Variants in ARHGEF10 observed in about 807,000 individuals in gnomAD.
ARHGEF10 encodes Rho guanine nucleotide exchange factor (GEF) 10.
Under a neutral mutation model 147.4 loss-of-function variants are expected in ARHGEF10, and 140 were observed. The observed-to-expected ratio is 0.95, with a 90% CI of 0.83 to 1.09. The LOEUF (loss-of-function observed/expected upper bound fraction) is 1.09, where lower values mean the gene tolerates loss of function less well. Ranked by LOEUF, ARHGEF10 falls within the 50% of genes least tolerant of loss-of-function variation. ARHGEF10 has a pLI of 0.00. For missense variants in ARHGEF10, 2,222 were observed against 1,752.7 expected, an observed-to-expected ratio of 1.27 and a Z score of -4.78; for synonymous variants, 902 against 695.8, an observed-to-expected ratio of 1.30 and a Z score of -4.67.
chr8:1,872,916 C>T (rs780821190), intron 7 of ARHGEF10, among the ~76,000 whole-genome samples: 2 of 152,156 alleles, frequency 1.3e-5, no homozygotes, highest in Non-Finnish European at 2.9e-5. Context: ...AAATGTGCCA[C>T]AAAGAAAGTG....
intron 8 of ARHGEF10, among the ~76,000 whole-genome samples, chr8:1,879,500 G>A (rs531404958): frequency 3.0e-4 from 45 of 152,090 alleles, no homozygotes; most frequent in South Asian, 2.5e-3. Flanking sequence ...CTAGCCTGGT[G>A]TCTGGATAGT....
Position 1,866,616 on chromosome 8 carries a change from C to T in ARHGEF10, c.622+14C>T. ...CCTGGATGGAGAGTAAGTTCCCCAG[C>T]TGCCCACAGCCAGAATCCTCACCAC... is the stretch of plus-strand genomic sequence containing the variant. On this transcript the variant is annotated intron_variant, in intron 6 of 28. Coordinates refer to ENST00000349830, the MANE Select transcript of ARHGEF10 (RefSeq NM_014629.4). 1 of 1,602,434 alleles carries T rather than the reference C, an allele frequency of 6.2e-7. No homozygotes were observed. Among genetic ancestry groups the T allele is most frequent in the Non-Finnish European group, 8.5e-7 (1 of 1,179,732 alleles).
Position 1,885,725 on chromosome 8 carries a change from G to A in ARHGEF10, c.1182+18G>A. 2 of 1,564,144 alleles carry A rather than the reference G, an allele frequency of 1.3e-6. No homozygotes were observed. The highest frequency in any genetic ancestry group is 1.8e-6 in the Non-Finnish European group (2 of 1,134,566). On this transcript the variant is annotated intron_variant, in intron 11 of 28. Transcript: ENST00000349830. ...AGCAGCAGGTGAGATGAGCAGAGCTGACAGGGGCTGTTGACCAGCAGAGCT... is the reference window on the plus strand; with the variant it reads ...AGCAGCAGGTGAGATGAGCAGAGCTAACAGGGGCTGTTGACCAGCAGAGCT...
rs138558810 is a variant in ARHGEF10, at chr8:1,924,667, C to G, written c.2489-616C>G. Among the ~76,000 whole-genome samples, 50 of 152,338 alleles carry G rather than the reference C, an allele frequency of 3.3e-4. 1 individual carries two copies. The highest frequency in any genetic ancestry group is 3.4e-3 in the Middle Eastern group (1 of 294). Reference sequence around the variant, plus strand: ...ATGAGGAAGCAGAAACACAGCCCCTCTCTCTCTTGCTGAATAATTTGGTCA... The same window carrying G: ...ATGAGGAAGCAGAAACACAGCCCCTGTCTCTCTTGCTGAATAATTTGGTCA... On this transcript the variant is annotated intron_variant, in intron 21 of 28. Coordinates refer to ENST00000349830, the MANE Select transcript of ARHGEF10 (RefSeq NM_014629.4).
At chr8:1,880,207 G>A (rs1195532442) in intron 9 of ARHGEF10, 43 bp downstream of exon 9, 2 of 1,466,132 alleles carry the variant, frequency 1.4e-6, no homozygotes, top group South Asian at 2.3e-5. Flanking sequence ...TGCCAGCCGG[G>A]CAGTAAAGAA....
chr8:1,866,888 G>C (rs1444472281), intron 6 of ARHGEF10, among the ~76,000 whole-genome samples: 1 of 152,048 alleles, frequency 6.6e-6, no homozygotes, highest in Admixed American at 6.6e-5. Context: ...TGAGATATGT[G>C]GGTAACAGAA....
chr8:1,930,725 G>C (rs1327557340), intron 25 of ARHGEF10, among the ~76,000 whole-genome samples: 1 of 152,232 alleles, frequency 6.6e-6, no homozygotes, highest in African/African-American at 2.4e-5. Flanking sequence ...CCTTGGGGAG[G>C]CTCTCTCGAC....
Position 1,929,337 on chromosome 8 carries a change from C to G in ARHGEF10, c.2973C>G (p.His991Gln). 6.2e-7 allele frequency: 1 copy of G among 1,614,056 alleles called. No individual in the cohort carries two copies. Among genetic ancestry groups the G allele is most frequent in the Non-Finnish European group, 8.5e-7 (1 of 1,180,032 alleles). Residue 991 changes from histidine (H) to glutamine (Q), a missense_variant, in exon 25 of 29, where the codon CAC becomes CAG. His to Gln is a conservative substitution (Grantham distance 24, BLOSUM62 0). Transcript: ENST00000349830. ...SQGSKKVRLQ[H>Q]FFTPEKSTVM... ...GCTCCAAGAAAGTGAGACTTCAGCA[C>G]TTTTTCACTCCTGAGAAGTCCACAG...
chr8:1,958,338 A>G lies in ARHGEF10; in HGVS notation c.*1075A>G, dbSNP rs1172429561. On this transcript the variant is annotated 3_prime_UTR_variant, in exon 29 of 29. Coordinates refer to ENST00000349830, the MANE Select transcript of ARHGEF10 (RefSeq NM_014629.4). The stretch of plus-strand genomic sequence containing the variant: ...AGTTGCAGAGCCAGCCCCGCGTGAG[A>G]ACGTGCATAATGAGTGCACACCATC... The G allele has an allele frequency of 6.6e-6, 1 of 152,222 alleles. No homozygotes were observed. Among genetic ancestry groups the G allele is most frequent in the Non-Finnish European group, 1.5e-5 (1 of 68,052 alleles). The allele number at this position is 152,222 out of a possible 1,614,324, so 9.4% of individuals were successfully genotyped here. A position where few individuals can be genotyped will look rare whatever the true frequency, so the allele number is the denominator to read the frequency against.
chr8:1,895,657 T>G (rs1809910032), intron 13 of ARHGEF10, among the ~76,000 whole-genome samples: 1 of 152,196 alleles, frequency 6.6e-6, no homozygotes, highest in African/African-American at 2.4e-5. Flanking sequence ...TGCAAACAGA[T>G]TTTTTAAAGA....
In ARHGEF10 at chr8:1,880,165, G is replaced by T; in HGVS notation, c.960+1G>T. On this transcript the variant is annotated splice_donor_variant, in intron 9 of 28. Transcript: ENST00000349830. LOFTEE classifies it high-confidence loss of function. ...GCTCAGGCAGAAGCATGAACTGAAGGTAGAGTCTTGCCCCCGGCCGCTGCC... is the reference window on the plus strand; with the variant it reads ...GCTCAGGCAGAAGCATGAACTGAAGTTAGAGTCTTGCCCCCGGCCGCTGCC... The T allele has an allele frequency of 1.2e-6, 2 of 1,608,804 alleles. No individual in the cohort carries two copies. Among genetic ancestry groups the T allele is most frequent in the Non-Finnish European group, 1.7e-6 (2 of 1,175,368 alleles).
At position 1,948,480 on chromosome 8, in the gene ARHGEF10, A is replaced by C. The variant is rs556901249; in HGVS notation, c.3397+2825A>C. Among the ~76,000 whole-genome samples, 1 of 152,262 alleles carries C rather than the reference A, an allele frequency of 6.6e-6. No individual in the cohort carries two copies. The highest frequency in any genetic ancestry group is 1.5e-5 in the Non-Finnish European group (1 of 68,002). On this transcript the variant is annotated intron_variant, in intron 27 of 28. Coordinates refer to ENST00000349830, the MANE Select transcript of ARHGEF10 (RefSeq NM_014629.4). The surrounding 1 kb of genome is among the most constrained non-coding windows in gnomAD (Gnocchi z 4.9). ...TACACTGACTGCTTTACCCACATTC[A>C]GTTCTCTGCTCCCAGGCTGTGGTCT...
In ARHGEF10 at chr8:1,832,659, CAG is replaced by C. The variant is rs1466770210; in HGVS notation, c.-48+8549_-48+8550del. On this transcript the variant is annotated intron_variant, in intron 1 of 28. Transcript: ENST00000349830. ...AGGCAGAGGCAGAGACAGAGAGAGA[CAG>C]AGGCAGAGACAGAGGCAGAGACAGA... Among the ~76,000 whole-genome samples, 4 of 35,220 alleles carry C rather than the reference CAG, an allele frequency of 1.1e-4. 1 individual carries two copies. Among genetic ancestry groups the C allele is most frequent in the African/African-American group, 4.3e-4 (3 of 7,054 alleles). 23.1% of individuals were successfully genotyped at this position (35,220 alleles called of 152,430 possible).
At chr8:1,920,488 AATT>A (rs1376478708) in intron 18 of ARHGEF10, among the ~76,000 whole-genome samples, 1 of 100,236 alleles carries the variant, frequency 1.0e-5, no homozygotes, top group Non-Finnish European at 2.1e-5. Context: ...ATGCCTGGCT[AATT>A]TTTTTTTTAA....
intron 22 of ARHGEF10, among the ~76,000 whole-genome samples, chr8:1,925,792 G>A (rs1812646062): frequency 6.6e-6 from 1 of 152,196 alleles, no homozygotes; most frequent in Non-Finnish European, 1.5e-5. Context: ...TACCGTGCCC[G>A]CTCTTTGCCT....
intron 5 of ARHGEF10, among the ~76,000 whole-genome samples, 188 bp downstream of exon 5, chr8:1,864,624 T>C (rs1177740434): frequency 6.6e-6 from 1 of 152,080 alleles, no homozygotes; most frequent in Admixed American, 6.5e-5. Context: ...TCAGGACGAG[T>C]GGACTGAGGG....
intron 15 of ARHGEF10, among the ~76,000 whole-genome samples, chr8:1,901,956 G>A (rs1348462917): frequency 1.3e-5 from 2 of 150,296 alleles, no homozygotes; most frequent in Non-Finnish European, 3.0e-5. Context: ...CTATAAACAT[G>A]TCAAAGATGG....
At chr8:1,845,970 A>G (rs1168236466) in intron 2 of ARHGEF10, among the ~76,000 whole-genome samples, 1 of 152,192 alleles carries the variant, frequency 6.6e-6, no homozygotes, top group East Asian at 1.9e-4. Context: ...AGGGGAGAGT[A>G]TGACAGGTCC....
At chr8:1,901,186 A>G (rs1037056227) in intron 15 of ARHGEF10, among the ~76,000 whole-genome samples, 1 of 152,082 alleles carries the variant, frequency 6.6e-6, no homozygotes, top group Admixed American at 6.6e-5. Context: ...GACAGGCTGC[A>G]GAGAGTCAGC....
Sources: gnomAD v4.1 joint callset for allele counts (sites outside exome capture counted in the v4.1 genomes callset) on GRCh38, gnomAD v4.1.1 for gene constraint, Gnocchi (gnomAD v3.1) non-coding constraint, MANE v1.5 for transcripts, NCBI Gene and HGNC (gene_info 2026-07-23, HGNC 2026-07-21) for gene names.